SORCS1: variants seen among roughly 807,000 people sequenced by gnomAD.
SORCS1 encodes the protein sortilin related VPS10 domain containing receptor 1.
In SORCS1, 60 loss-of-function variants were observed where a neutral mutation model predicts 146.1. That is an observed-to-expected ratio of 0.41 (90% CI 0.33 to 0.51). SORCS1 has a LOEUF of 0.51. SORCS1 is among the 20% of genes least tolerant of loss of function. SORCS1 has a pLI of 0.21. For missense variants in SORCS1, 1,352 were observed against 1,487.6 expected, an observed-to-expected ratio of 0.91 and a Z score of 1.50; for synonymous variants, 637 against 584.0, an observed-to-expected ratio of 1.09 and a Z score of -1.31.
At chr10:107,021,071 G>T (rs59490740) in intron 1 of SORCS1, among the ~76,000 whole-genome samples, 1 of 152,010 alleles carries the variant, frequency 6.6e-6, no homozygotes, top group Non-Finnish European at 1.5e-5. Flanking sequence ...CAGGCATAGG[G>T]TTTGGGTGCA....
chr10:107,164,303 C>G lies in SORCS1; in HGVS notation c.224G>C (p.Arg75Pro). The change falls in exon 1 of 26, where the codon CGT (arginine) becomes CCT (proline). Residue 75 changes from arginine to proline, a missense_variant. Physicochemically the swap from Arg to Pro is moderately radical, Grantham distance 103 (BLOSUM62 -2). Around this residue, in one of 3 missense-constraint regions of SORCS1, gnomAD observed 490 missense variants for 489.1 expected, o/e 1.00. Coordinates refer to ENST00000263054, the MANE Select transcript of SORCS1 (RefSeq NM_052918.5). This position sits in a 1 kb window ranked among gnomAD's most constrained non-coding sequence, Gnocchi z 6.8. ...APATPLPLVV[R>P]PLFSVAPGDR... ...CCCGGGGGCCACTGAGAACAGGGGA[C>G]GCACTACGAGGGGCAGGGGCGTGGC... 6.3e-7 allele frequency: 1 copy of G among 1,583,766 alleles called. No homozygotes were observed. Among genetic ancestry groups the G allele is most frequent in the South Asian group, 1.1e-5 (1 of 88,680 alleles).
At chr10:107,140,710 C>A (rs2134714364) in intron 1 of SORCS1, among the ~76,000 whole-genome samples, 1 of 152,308 alleles carries the variant, frequency 6.6e-6, no homozygotes, top group African/African-American at 2.4e-5. Context: ...ATCTATAGCT[C>A]TATTGTCTCA....
chr10:106,879,957 G>A (rs1223268587), intron 2 of SORCS1, among the ~76,000 whole-genome samples: 4 of 152,222 alleles, frequency 2.6e-5, no homozygotes, highest in Non-Finnish European at 4.4e-5. Flanking sequence ...AGAATTGTGT[G>A]AGGTAATATA....
At chr10:106,708,656 T>A (rs899077658) in intron 7 of SORCS1, among the ~76,000 whole-genome samples, 3 of 152,182 alleles carry the variant, frequency 2.0e-5, no homozygotes, top group African/African-American at 7.2e-5. Context: ...CCTGGCTGAA[T>A]ACATCTGCTC....
At chr10:107,071,343 G>A (rs1477357345) in intron 1 of SORCS1, among the ~76,000 whole-genome samples, 1 of 152,004 alleles carries the variant, frequency 6.6e-6, no homozygotes, top group Non-Finnish European at 1.5e-5. Context: ...ACGGGCCAGG[G>A]CTCCACTGAA....
intron 18 of SORCS1, among the ~76,000 whole-genome samples, chr10:106,639,928 G>A (rs1380660568): frequency 6.6e-6 from 1 of 151,942 alleles, no homozygotes; most frequent in Non-Finnish European, 1.5e-5. Context: ...TGAGGGAGGA[G>A]AATTGCTTGA....
chr10:106,691,699 T>C (rs1474186014), intron 9 of SORCS1, among the ~76,000 whole-genome samples: 1 of 152,112 alleles, frequency 6.6e-6, no homozygotes, highest in East Asian at 1.9e-4. Context: ...TACCTATTCA[T>C]CCTTAAAGAT....
intron 2 of SORCS1, among the ~76,000 whole-genome samples, chr10:106,923,640 G>A (rs1952834582): frequency 6.6e-6 from 1 of 152,172 alleles, no homozygotes; most frequent in African/African-American, 2.4e-5. Flanking sequence ...TGGTGTCAGT[G>A]TCTTGGATTT....
At chr10:106,809,406 C>T (rs1947349232) in intron 3 of SORCS1, among the ~76,000 whole-genome samples, 2 of 152,156 alleles carry the variant, frequency 1.3e-5, no homozygotes, top group South Asian at 4.1e-4. Flanking sequence ...ATGATCCAAT[C>T]TGTACTGGGC....
chr10:106,869,200 C>G (rs1950321434), intron 2 of SORCS1, among the ~76,000 whole-genome samples: 1 of 152,032 alleles, frequency 6.6e-6, no homozygotes, highest in Non-Finnish European at 1.5e-5. Flanking sequence ...CAGCAATAAA[C>G]AGTCTACCAA....
Position 107,035,318 on chromosome 10 carries a change from C to T in SORCS1, c.559-78738G>A, listed in dbSNP as rs536164046. On this transcript the variant is annotated intron_variant, in intron 1 of 25. Transcript: ENST00000263054. ...CAGAAAAACTTCACATGTAACATTA[C>T]GCATGGTTCTCTTTGGAGGAAAGCA... Among the ~76,000 whole-genome samples the T allele has an allele frequency of 2.0e-4, 29 of 147,722 alleles. No homozygotes were observed. The South Asian group carries it at 3.5e-3, about 18-fold the overall frequency.
At chr10:107,061,860 A>T (rs1590047686) in intron 1 of SORCS1, among the ~76,000 whole-genome samples, 1 of 152,228 alleles carries the variant, frequency 6.6e-6, no homozygotes, top group Non-Finnish European at 1.5e-5. Flanking sequence ...ATAGAGAAAT[A>T]CGTTAACAGA....
intron 9 of SORCS1, 29 bp downstream of exon 9, chr10:106,699,185 C>T (rs1407275399): frequency 6.3e-7 from 1 of 1,578,652 alleles, no homozygotes; most frequent in Non-Finnish European, 8.6e-7. Context: ...ACTGCTGTGG[C>T]TTAGGACCAC....
At chr10:106,644,941 C>T (rs550734834) in intron 18 of SORCS1, among the ~76,000 whole-genome samples, 1 of 152,234 alleles carries the variant, frequency 6.6e-6, no homozygotes, top group Non-Finnish European at 1.5e-5. Flanking sequence ...ATCTTACATA[C>T]ATTCTGGTGC....
chr10:107,115,480 G>C (rs985054349), intron 1 of SORCS1, among the ~76,000 whole-genome samples: 2 of 151,960 alleles, frequency 1.3e-5, no homozygotes, highest in Non-Finnish European at 2.9e-5. Flanking sequence ...TCTTTGATGA[G>C]AGTGCCAAGA....
At chr10:106,689,253 C>A (rs570063529) in intron 9 of SORCS1, among the ~76,000 whole-genome samples, 1 of 152,228 alleles carries the variant, frequency 6.6e-6, no homozygotes, top group African/African-American at 2.4e-5. Context: ...TTACATTTTT[C>A]TTGTGTTTTG....
At chr10:106,944,914 C>G in intron 2 of SORCS1, among the ~76,000 whole-genome samples, 1 of 45,120 alleles carries the variant, frequency 2.2e-5, no homozygotes, top group African/African-American at 5.2e-5. Context: ...GAGATGGAGT[C>G]TCGCTCTGTC....
At chr10:106,820,838 A>G (rs191317127) in intron 3 of SORCS1, among the ~76,000 whole-genome samples, 3 of 152,344 alleles carry the variant, frequency 2.0e-5, no homozygotes, top group Admixed American at 2.0e-4. Context: ...GGAAGCAAAC[A>G]GACCAGAATG....
At chr10:107,022,148 C>T (rs561746878) in intron 1 of SORCS1, among the ~76,000 whole-genome samples, 1 of 152,242 alleles carries the variant, frequency 6.6e-6, no homozygotes, top group South Asian at 2.1e-4. Flanking sequence ...GTTTCAGAAC[C>T]CACAAGCAAG....
Sources: allele counts gnomAD v4.1 joint callset (sites outside exome capture counted in the v4.1 genomes callset), GRCh38; gene constraint gnomAD v4.1.1; regional missense constraint gnomAD v4.1.1; non-coding constraint Gnocchi (gnomAD v3.1); transcripts MANE v1.5; gene names NCBI Gene and HGNC (gene_info 2026-07-23, HGNC 2026-07-21).